The following KIF13B variants were observed in gnomAD, a reference collection of about 807,000 sequenced individuals.
KIF13B encodes kinesin family member 13B, also known as kinesin-like protein KIF13B.
Under a neutral mutation model 222.0 loss-of-function variants are expected in KIF13B, and 127 were observed. The ratio of observed to expected loss-of-function variants is 0.57; its 90% CI spans 0.50 to 0.66. KIF13B has a LOEUF of 0.66. Among genes scored for constraint, KIF13B ranks in the 30% least tolerant of loss-of-function variants. The probability of loss-of-function intolerance (pLI) is 0.00; values close to 1 mark genes in which losing one functional copy is unlikely to be tolerated. For missense variants in KIF13B, 2,173 were observed against 2,379.0 expected, an observed-to-expected ratio of 0.91 and a Z score of 1.80; for synonymous variants, 976 against 919.0, an observed-to-expected ratio of 1.06 and a Z score of -1.12.
At chr8:29,114,985 G>A (rs560314968) in intron 31 of KIF13B, among the ~76,000 whole-genome samples, 1 of 152,314 alleles carries the variant, frequency 6.6e-6, no homozygotes, top group South Asian at 2.1e-4. Flanking sequence ...GTGAATGGGT[G>A]CATACCGTAT....
At chr8:29,191,497 G>A (rs1331852472) in intron 3 of KIF13B, among the ~76,000 whole-genome samples, 4 of 152,098 alleles carry the variant, frequency 2.6e-5, no homozygotes, top group African/African-American at 9.7e-5. Flanking sequence ...CATAAATTAT[G>A]ACATGCCCAT....
At chr8:29,127,445 C>T (rs1810163326) in intron 24 of KIF13B, among the ~76,000 whole-genome samples, 177 bp from the exon 25 acceptor site, 1 of 152,118 alleles carries the variant, frequency 6.6e-6, no homozygotes, top group African/African-American at 2.4e-5. Context: ...AATCATTTCC[C>T]TTTTAAGTGA....
chr8:29,070,876 A>T lies in KIF13B; in HGVS notation c.5219-110T>A. 2 of 1,189,160 alleles carry T rather than the reference A, an allele frequency of 1.7e-6. No individual in the cohort carries two copies. The highest frequency in any genetic ancestry group is 2.4e-6 in the Non-Finnish European group (2 of 835,758). The allele number at this position is 1,189,160 out of a possible 1,614,324, so 73.7% of individuals were successfully genotyped here. A position where few individuals can be genotyped will look rare whatever the true frequency, so the allele number is the denominator to read the frequency against. ...TGCCCACACTGCCACCCCCCCGCAC[A>T]GGCCCTACACAGCCAGCACTCGGAC... On this transcript the variant is annotated intron_variant, in intron 39 of 39. Transcript: ENST00000524189. This position sits in a 1 kb window ranked among gnomAD's most constrained non-coding sequence, Gnocchi z 4.1.
At chr8:29,153,039 A>G (rs1035025606) in intron 14 of KIF13B, among the ~76,000 whole-genome samples, 2 of 152,202 alleles carry the variant, frequency 1.3e-5, no homozygotes, top group Admixed American at 6.5e-5. Flanking sequence ...CCGAACCTGC[A>G]AAGTCTCCAA....
chr8:29,089,841 C>G (rs1808211756), intron 37 of KIF13B, among the ~76,000 whole-genome samples: 2 of 149,206 alleles, frequency 1.3e-5, no homozygotes, highest in Non-Finnish European at 1.5e-5. Flanking sequence ...TTGCAGTGAG[C>G]CAAGATTGCA....
At chr8:29,214,079 A>G (rs2340774) in intron 2 of KIF13B, among the ~76,000 whole-genome samples, 6,983 of 152,324 alleles carry the variant, frequency 0.046, 340 homozygotes, top group African/African-American at 0.12. Context: ...TGGCCATTGC[A>G]TCAGGTGAGT....
intron 37 of KIF13B, among the ~76,000 whole-genome samples, chr8:29,088,372 A>T (rs1808141869): frequency 6.6e-6 from 1 of 152,238 alleles, no homozygotes; most frequent in African/African-American, 2.4e-5. Flanking sequence ...TTACTTAAAG[A>T]ATATCTGCTA....
rs568535496 is a variant in KIF13B, at chr8:29,195,014, G to A, written c.162+1173C>T. ...TGTAATCCCAGCACTTTGGGAGGCC[G>A]AGGTGGGTGCATCATTTGAGGACAG... On this transcript the variant is annotated intron_variant, in intron 3 of 39. Transcript: ENST00000524189. 1.2e-4 allele frequency among the ~76,000 whole-genome samples: 18 copies of A among 152,232 alleles called. No individual in the cohort carries two copies. The South Asian group carries it at 3.3e-3, about 28-fold the overall frequency.
In KIF13B at chr8:29,222,212, A is replaced by G. The variant is rs186312673; in HGVS notation, c.149+23134T>C. Among the ~76,000 whole-genome samples the G allele has an allele frequency of 1.7e-3, 259 of 152,106 alleles. 2 individuals are homozygous for G. Among genetic ancestry groups the G allele is most frequent in the African/African-American group, 5.7e-3 (236 of 41,478 alleles). On this transcript the variant is annotated intron_variant, in intron 2 of 39. Transcript: ENST00000524189. ...AAAAGAAAAAAAGAATTAGCTGGTC[A>G]TGGTGTTGTGTGCCTGTAGCTCCAG...
chr8:29,110,407 CAT>C (rs1809301350), intron 32 of KIF13B, among the ~76,000 whole-genome samples: 1 of 152,168 alleles, frequency 6.6e-6, no homozygotes, highest in South Asian at 2.1e-4. Context: ...AATTCAGGAA[CAT>C]TACCCCCGCC....
chr8:29,090,058 G>T (rs1003879689), intron 37 of KIF13B, among the ~76,000 whole-genome samples: 1 of 152,290 alleles, frequency 6.6e-6, no homozygotes, highest in South Asian at 2.1e-4. Context: ...CTGGGTGGGT[G>T]GCAGGGCCAG....
chr8:29,109,722 G>C (rs1809265540), intron 33 of KIF13B, among the ~76,000 whole-genome samples, 196 bp downstream of exon 33: 1 of 152,112 alleles, frequency 6.6e-6, no homozygotes, highest in Non-Finnish European at 1.5e-5. Flanking sequence ...CCCATAAACA[G>C]ACTTTTAAAA....
intron 2 of KIF13B, among the ~76,000 whole-genome samples, chr8:29,227,121 C>T (rs556760821): frequency 6.6e-6 from 1 of 152,100 alleles, no homozygotes; most frequent in African/African-American, 2.4e-5. Flanking sequence ...TTTGATGTAC[C>T]TTATTCAATA....
At position 29,147,549 on chromosome 8, in the gene KIF13B, G is replaced by A. The variant is rs1412315553; in HGVS notation, c.1867C>T (p.Arg623Ter). The change falls in exon 17 of 40, where the codon CGA (arginine) becomes TGA (stop). Residue 623 changes from arginine (R) to a stop codon, truncating the protein, a stop_gained. Coordinates refer to ENST00000524189, the MANE Select transcript of KIF13B (RefSeq NM_015254.4). LOFTEE classifies it high-confidence loss of function. Reference sequence around the variant, plus strand: ...AGCCTCTGGCGCTCCAGTGCAGATCGTTTTTCTTCTTCATGCTGTTGTTCT... The same window carrying A: ...AGCCTCTGGCGCTCCAGTGCAGATCATTTTTCTTCTTCATGCTGTTGTTCT... The part of the protein sequence containing the change: ...SLEQQHEEEK[R>*]SALERQRLMY... 3.7e-6 allele frequency: 6 copies of A among 1,613,344 alleles called. No homozygotes were observed. Among genetic ancestry groups the A allele is most frequent in the African/African-American group, 1.3e-5 (1 of 74,914 alleles).
At chr8:29,076,060 G>C (rs1807544242) in intron 37 of KIF13B, among the ~76,000 whole-genome samples, 1 of 152,244 alleles carries the variant, frequency 6.6e-6, no homozygotes, top group African/African-American at 2.4e-5. Context: ...ACATGGGCCA[G>C]GGAACATTAA....
Position 29,220,645 on chromosome 8 carries a change from C to A in KIF13B, c.150-24446G>T, listed in dbSNP as rs376961743. On this transcript the variant is annotated intron_variant, in intron 2 of 39. Coordinates refer to ENST00000524189, the MANE Select transcript of KIF13B (RefSeq NM_015254.4). ...GAGAAGGACGAGGAAGCCTAAGACACCCTTTGGTCTAGCACTGACAGAAAA... is the reference window on the plus strand; with the variant it reads ...GAGAAGGACGAGGAAGCCTAAGACAACCTTTGGTCTAGCACTGACAGAAAA... Among the ~76,000 whole-genome samples, 38 of 151,890 alleles carry A rather than the reference C, an allele frequency of 2.5e-4. 1 individual carries two copies. The highest frequency in any genetic ancestry group is 8.7e-4 in the African/African-American group (36 of 41,432).
At position 29,140,576 on chromosome 8, in the gene KIF13B, A is replaced by G; in HGVS notation, c.2376T>C (p.Asp792=). ...CAATGAGACTGTGATTTTCCTGCTC[A>G]TCATAGAATGGATCAGCACGTTTGA... is the stretch of plus-strand genomic sequence containing the variant. ...SYFKRADPFY[D]EQENHSLIGV... is the part of the protein sequence containing the mutation. The change falls in exon 20 of 40, where the codon GAT becomes GAC. Residue 792 remains aspartate (D), a synonymous_variant. Transcript: ENST00000524189. 2 of 1,613,958 alleles carry G rather than the reference A, an allele frequency of 1.2e-6. No individual in the cohort carries two copies. The highest frequency in any genetic ancestry group is 1.7e-5 in the Admixed American group (1 of 60,016).
chr8:29,260,765 C>T (rs1816651112), intron 1 of KIF13B, among the ~76,000 whole-genome samples: 1 of 151,912 alleles, frequency 6.6e-6, no homozygotes, highest in Admixed American at 6.6e-5. Context: ...TACAGGCGTC[C>T]ACCACCACGC....
In KIF13B at chr8:29,074,010, T is replaced by C. The variant is rs531009655; in HGVS notation, c.4521+1271A>G. Reference sequence around the variant, plus strand: ...TTATTCTCTTCTATTTTAGTTTTAATATCACTGACCCAACAGGGGAGAATA... The same window carrying C: ...TTATTCTCTTCTATTTTAGTTTTAACATCACTGACCCAACAGGGGAGAATA... On this transcript the variant is annotated intron_variant, in intron 38 of 39. Transcript: ENST00000524189. 4.4e-4 allele frequency among the ~76,000 whole-genome samples: 67 copies of C among 152,344 alleles called. 2 individuals carry two copies. The highest frequency in any genetic ancestry group is 1.4e-3 in the African/African-American group (60 of 41,574).
Sources: allele counts gnomAD v4.1 joint callset (sites outside exome capture counted in the v4.1 genomes callset), GRCh38; gene constraint gnomAD v4.1.1; non-coding constraint Gnocchi (gnomAD v3.1); transcripts MANE v1.5; gene names NCBI Gene and HGNC (gene_info 2026-07-23, HGNC 2026-07-21).